AFF2: variants seen among roughly 807,000 people sequenced by gnomAD.
AFF2 encodes AF4/FMR2 family member 2.
In AFF2, 14 loss-of-function variants were observed where a neutral mutation model predicts 76.9. The ratio of observed to expected loss-of-function variants is 0.18; its 90% CI spans 0.12 to 0.28. The LOEUF is 0.28. Among genes scored for constraint, AFF2 ranks in the 10% least tolerant of loss-of-function variants. The pLI, the probability that AFF2 is intolerant of heterozygous loss-of-function variation, is 1.00. For missense variants in AFF2, 868 were observed against 1,001.1 expected (o/e 0.87, Z 1.79); for synonymous variants, 398 against 366.7 (o/e 1.09, Z -0.98).
At chrX:148,540,959 A>G (rs2052847465) in intron 1 of AFF2, among the ~76,000 whole-genome samples, 1 of 112,205 alleles carries the variant, frequency 8.9e-6, no homozygotes, top group Non-Finnish European at 1.9e-5. Context: ...AGACGCGAGA[A>G]AAAATAAATG....
At chrX:148,857,920 A>G (rs2070805186) in intron 7 of AFF2, among the ~76,000 whole-genome samples, 1 of 111,680 alleles carries the variant, frequency 9.0e-6, no homozygotes, top group East Asian at 2.8e-4. Flanking sequence ...TTTTAATTCC[A>G]TATTAAAAAG....
intron 3 of AFF2, among the ~76,000 whole-genome samples, chrX:148,718,022 G>GTT (rs3067311): frequency 0.087 from 8,767 of 100,248 alleles, 455 homozygotes; most frequent in African/African-American, 0.18. Context: ...TTTCCCCTTA[G>GTT]TTTTTTTTTT....
At chrX:148,603,232 T>C (rs1236010321) in intron 1 of AFF2, among the ~76,000 whole-genome samples, 1 of 111,334 alleles carries the variant, frequency 9.0e-6, no homozygotes, top group Non-Finnish European at 1.9e-5. Flanking sequence ...GAAAAAAAAA[T>C]GTCACCAAAT....
chrX:148,858,889 G>T (rs1265410), intron 7 of AFF2, among the ~76,000 whole-genome samples: 1 of 107,946 alleles, frequency 9.3e-6, no homozygotes, highest in African/African-American at 3.4e-5. Context: ...GATTCTTTTT[G>T]GCATGAGACA....
In AFF2 at chrX:148,906,814, T is replaced by G. The variant is rs782751101; in HGVS notation, c.1397+2556T>G. Among the ~76,000 whole-genome samples, 6 of 111,892 alleles carry G rather than the reference T, an allele frequency of 5.4e-5. No individual in the cohort carries two copies. In the South Asian group the frequency reaches 1.9e-3, roughly 36 times the overall value. ...CCGCCATTGCAGACCTGCCCTTGAC[T>G]TCCACCCCTCCGGATCCGGCAGAGT... is the stretch of plus-strand genomic sequence containing the variant. On this transcript the variant is annotated intron_variant, in intron 9 of 20. Coordinates refer to ENST00000370460, the MANE Select transcript of AFF2 (RefSeq NM_002025.4).
chrX:148,758,414 G>A (rs782642013), intron 3 of AFF2, among the ~76,000 whole-genome samples: 68 of 112,560 alleles, frequency 6.0e-4, no homozygotes, highest in African/African-American at 2.2e-3. Flanking sequence ...TAAAATAAAA[G>A]TGATAGAAGT....
chrX:148,678,391 G>A (rs186692179), intron 3 of AFF2, among the ~76,000 whole-genome samples: 2 of 112,385 alleles, frequency 1.8e-5, no homozygotes, highest in East Asian at 2.8e-4. Flanking sequence ...CTGAGAAAAC[G>A]GAATCATTAT....
At chrX:148,832,961 C>T (rs1004470856) in intron 4 of AFF2, among the ~76,000 whole-genome samples, 2 of 111,806 alleles carry the variant, frequency 1.8e-5, no homozygotes, top group Non-Finnish European at 3.8e-5. Context: ...TTAAGGTGGT[C>T]ATTTGAAAAA....
intron 3 of AFF2, among the ~76,000 whole-genome samples, chrX:148,676,293 G>A (rs1216801608): frequency 9.0e-6 from 1 of 110,913 alleles, no homozygotes; most frequent in Non-Finnish European, 1.9e-5. Flanking sequence ...TGATCCACCC[G>A]CCTCGGCCTC....
intron 4 of AFF2, among the ~76,000 whole-genome samples, chrX:148,811,396 G>C (rs2124641670): frequency 9.0e-6 from 1 of 111,186 alleles, no homozygotes; most frequent in South Asian, 3.8e-4. Flanking sequence ...CTGTCTCAGG[G>C]GCCCGACGTT....
At chrX:148,965,572 A>G (rs1431179193) in intron 13 of AFF2, among the ~76,000 whole-genome samples, 1 of 111,421 alleles carries the variant, frequency 9.0e-6, no homozygotes, top group Non-Finnish European at 1.9e-5. Flanking sequence ...ACACGGAGAA[A>G]TTCAGCTTTG....
chrX:148,722,099 A>C (rs1189539283), intron 3 of AFF2, among the ~76,000 whole-genome samples: 3 of 111,553 alleles, frequency 2.7e-5, no homozygotes, highest in Non-Finnish European at 5.6e-5. Context: ...TCAACTCATA[A>C]CAGCAAGTGT....
chrX:148,588,388 G>A (rs913831509), intron 1 of AFF2, among the ~76,000 whole-genome samples: 2 of 112,547 alleles, frequency 1.8e-5, no homozygotes, highest in Non-Finnish European at 3.8e-5. Flanking sequence ...ACCTCATCAG[G>A]CCTCTACTTT....
At chrX:148,611,047 C>T (rs781891914) in intron 1 of AFF2, among the ~76,000 whole-genome samples, 64 of 111,777 alleles carry the variant, frequency 5.7e-4, no homozygotes, top group African/African-American at 2.0e-3. Flanking sequence ...AAATATTGCT[C>T]TGTCTTCCCA....
At chrX:148,592,502 A>AG (rs529698487) in intron 1 of AFF2, among the ~76,000 whole-genome samples, 1,463 of 108,471 alleles carry the variant, frequency 0.013, 35 homozygotes, top group African/African-American at 0.04. Context: ...AAAAAAAAAA[A>AG]AGTATATTTT....
chrX:148,878,501 G>A (rs16994796), intron 7 of AFF2, among the ~76,000 whole-genome samples: 7,998 of 110,902 alleles, frequency 0.072, 386 homozygotes, highest in African/African-American at 0.17. Context: ...AAATCTCACC[G>A]GCAAATACCA....
chrX:148,512,648 T>G (rs782716240), intron 1 of AFF2, among the ~76,000 whole-genome samples: 1 of 112,580 alleles, frequency 8.9e-6, no homozygotes, highest in South Asian at 3.6e-4. Context: ...CATAGTAGAA[T>G]CCTAATGGGA....
intron 3 of AFF2, among the ~76,000 whole-genome samples, chrX:148,741,235 G>A (rs1203086488): frequency 5.4e-5 from 6 of 111,567 alleles, no homozygotes; most frequent in Admixed American, 1.9e-4. Context: ...TCCACTACCA[G>A]GGTGGATAGA....
At chrX:148,503,208 G>A (rs1410339506) in intron 1 of AFF2, among the ~76,000 whole-genome samples, 1 of 112,310 alleles carries the variant, frequency 8.9e-6, no homozygotes, top group East Asian at 2.8e-4. Context: ...CATTTGTAAT[G>A]TGGTTGTGCT....
Sources: gnomAD v4.1 joint callset for allele counts (sites outside exome capture counted in the v4.1 genomes callset) on GRCh38, gnomAD v4.1.1 for gene constraint, MANE v1.5 for transcripts, NCBI Gene and HGNC (gene_info 2026-07-23, HGNC 2026-07-21) for gene names.